MACROD2: variants seen among roughly 807,000 people sequenced by gnomAD.
MACROD2 encodes the protein ADP-ribose glycohydrolase MACROD2.
MACROD2 carries 36 observed loss-of-function variants against 70.4 expected under a neutral mutation model. The observed-to-expected ratio is 0.51, with a 90% CI of 0.39 to 0.68. MACROD2 has a LOEUF of 0.68. Ranked by LOEUF, MACROD2 falls within the 30% of genes least tolerant of loss-of-function variation. MACROD2 has a pLI of 0.00. For synonymous variants in MACROD2, 172 were observed against 178.8 expected (o/e 0.96, Z 0.30); for missense variants, 496 against 538.4 (o/e 0.92, Z 0.78).
intron 13 of MACROD2, among the ~76,000 whole-genome samples, chr20:15,968,534 T>C (rs186740561): frequency 6.6e-6 from 1 of 152,082 alleles, no homozygotes; most frequent in East Asian, 1.9e-4. Flanking sequence ...AAGAGACTAA[T>C]TAAATGTACA....
chr20:15,294,157 A>G (rs893886398), intron 6 of MACROD2, among the ~76,000 whole-genome samples: 4 of 151,330 alleles, frequency 2.6e-5, no homozygotes, highest in African/African-American at 9.7e-5. Context: ...GAGTTTTTAT[A>G]TAAACTCTAG....
intron 12 of MACROD2, among the ~76,000 whole-genome samples, chr20:15,943,725 T>C (rs2065782157): frequency 6.6e-6 from 1 of 152,156 alleles, no homozygotes; most frequent in Admixed American, 6.6e-5. Flanking sequence ...AAAATGATTT[T>C]ATTATGGTTA....
intron 3 of MACROD2, among the ~76,000 whole-genome samples, chr20:14,429,463 G>A (rs367968434): frequency 8.5e-5 from 13 of 152,200 alleles, no homozygotes; most frequent in East Asian, 7.7e-4. Flanking sequence ...AATGGAAAGA[G>A]ATCAAGTAAT....
intron 3 of MACROD2, among the ~76,000 whole-genome samples, chr20:14,213,681 A>G (rs759612897): frequency 2.0e-5 from 3 of 152,124 alleles, no homozygotes; most frequent in Non-Finnish European, 4.4e-5. Context: ...TCAACTCTCT[A>G]TGGACTGGGA....
At chr20:15,070,318 A>C (rs1342355048) in intron 5 of MACROD2, among the ~76,000 whole-genome samples, 2 of 152,150 alleles carry the variant, frequency 1.3e-5, no homozygotes, top group Admixed American at 6.5e-5. Context: ...CATGGGTTTC[A>C]GATGAGGGTT....
intron 8 of MACROD2, among the ~76,000 whole-genome samples, chr20:15,585,034 T>G (rs2048578169): frequency 6.6e-6 from 1 of 152,136 alleles, no homozygotes; most frequent in African/African-American, 2.4e-5. Context: ...TGTGCCAGTC[T>G]AGGGGACTAC....
intron 5 of MACROD2, among the ~76,000 whole-genome samples, chr20:15,112,404 A>G (rs2075961699): frequency 6.6e-6 from 1 of 152,128 alleles, no homozygotes; most frequent in Non-Finnish European, 1.5e-5. Context: ...TGCATTTGAA[A>G]TTATTCTTAT....
chr20:15,264,793 C>A (rs2077278495), intron 6 of MACROD2, among the ~76,000 whole-genome samples: 1 of 151,984 alleles, frequency 6.6e-6, no homozygotes, highest in Admixed American at 6.6e-5. Flanking sequence ...GGAATTTTCC[C>A]TAGTGAAATA....
At position 14,093,898 on chromosome 20, in the gene MACROD2, C is replaced by T. The variant is rs144414195; in HGVS notation, c.271+8170C>T. Among the ~76,000 whole-genome samples the T allele has an allele frequency of 6.1e-3, 927 of 151,840 alleles. 9 individuals carry two copies. Among genetic ancestry groups the T allele is most frequent in the South Asian group, 0.019 (92 of 4,816 alleles). Reference sequence around the variant, plus strand: ...AGTGTATATTGCACTTAGGAAACCACATGTGGCTGAGTGTGCTTGGAGCAA... The same window carrying T: ...AGTGTATATTGCACTTAGGAAACCATATGTGGCTGAGTGTGCTTGGAGCAA... On this transcript the variant is annotated intron_variant, in intron 3 of 17. Transcript: ENST00000684519.
At chr20:15,395,712 A>G (rs1381820255) in intron 6 of MACROD2, among the ~76,000 whole-genome samples, 2 of 152,226 alleles carry the variant, frequency 1.3e-5, no homozygotes, top group African/African-American at 2.4e-5. Flanking sequence ...TTACCATGCT[A>G]GCTTCAGGGG....
intron 3 of MACROD2, among the ~76,000 whole-genome samples, chr20:14,226,536 C>T (rs540679194): frequency 2.6e-5 from 4 of 152,254 alleles, no homozygotes; most frequent in Non-Finnish European, 5.9e-5. Context: ...ACCGGGGCTG[C>T]GCGCGGCGCT....
At chr20:14,895,692 A>G (rs2073819546) in intron 5 of MACROD2, 1 of 152,196 alleles carries the variant, frequency 6.6e-6, no homozygotes, top group South Asian at 2.1e-4. Flanking sequence ...TTTATTAATT[A>G]ATATTTCTAA....
chr20:15,088,708 C>G (rs1222817824), intron 5 of MACROD2, among the ~76,000 whole-genome samples: 2 of 151,048 alleles, frequency 1.3e-5, no homozygotes, highest in African/African-American at 2.4e-5. Context: ...ATTTGTTTCA[C>G]ATGTCATAAA....
At chr20:15,891,121 T>C (rs2064883700) in intron 10 of MACROD2, among the ~76,000 whole-genome samples, 1 of 152,176 alleles carries the variant, frequency 6.6e-6, no homozygotes, top group African/African-American at 2.4e-5. Context: ...GGTGAGCCTT[T>C]AGATTAGGCA....
intron 2 of MACROD2, among the ~76,000 whole-genome samples, chr20:14,066,014 A>G (rs1436869463): frequency 2.0e-5 from 3 of 152,198 alleles, no homozygotes; most frequent in Non-Finnish European, 4.4e-5. Flanking sequence ...ATAGAGTTCA[A>G]AGGTCTTTTG....
At chr20:15,339,878 T>C (rs1175262297) in intron 6 of MACROD2, among the ~76,000 whole-genome samples, 1 of 151,552 alleles carries the variant, frequency 6.6e-6, no homozygotes, top group Non-Finnish European at 1.5e-5. Context: ...CTGTAATATC[T>C]TTTCCATTGC....
chr20:14,275,425 C>T (rs1165522521), intron 3 of MACROD2, among the ~76,000 whole-genome samples: 2 of 151,844 alleles, frequency 1.3e-5, no homozygotes, highest in African/African-American at 4.8e-5. Context: ...ACTGGCTAGC[C>T]ATATGTAGAA....
At chr20:15,614,031 A>G (rs1412042076) in intron 8 of MACROD2, among the ~76,000 whole-genome samples, 1 of 152,242 alleles carries the variant, frequency 6.6e-6, no homozygotes, top group Admixed American at 6.5e-5. Context: ...GATTATATCA[A>G]TAACCCAGAC....
intron 5 of MACROD2, among the ~76,000 whole-genome samples, chr20:14,885,954 T>C (rs1334679441): frequency 2.0e-5 from 3 of 152,166 alleles, no homozygotes; most frequent in African/African-American, 7.2e-5. Flanking sequence ...GATACTACAG[T>C]GAGCAAAATA....
Sources: allele counts gnomAD v4.1 joint callset (sites outside exome capture counted in the v4.1 genomes callset), GRCh38; gene constraint gnomAD v4.1.1; transcripts MANE v1.5; gene names NCBI Gene and HGNC (gene_info 2026-07-23, HGNC 2026-07-21).